GCH1: variants seen among roughly 807,000 people sequenced by gnomAD.
The protein encoded by GCH1 is GTP cyclohydrolase I.
In GCH1, 5 loss-of-function variants were observed where a neutral mutation model predicts 25.9. That is an observed-to-expected ratio of 0.19 (90% confidence interval 0.10 to 0.41). The LOEUF (loss-of-function observed/expected upper bound fraction) is 0.41. Ranked by LOEUF, GCH1 falls within the 10% of genes least tolerant of loss-of-function variation. The pLI is 1.00. For missense variants in GCH1, 261 were observed against 336.5 expected (o/e 0.78, Z 1.75); for synonymous variants, 159 against 129.6 (o/e 1.23, Z -1.54).
chr14:54,896,744 C>G (rs980783449), intron 1 of GCH1, among the ~76,000 whole-genome samples: 1 of 150,718 alleles, frequency 6.6e-6, no homozygotes, highest in Non-Finnish European at 1.5e-5. Flanking sequence ...AACCCCATCT[C>G]TACTAAAAAA....
At position 54,898,145 on chromosome 14, in the gene GCH1, CAAGAG is replaced by C. The variant is rs2040513892; in HGVS notation, c.343+4171_343+4175del. Among the ~76,000 whole-genome samples, 4 of 152,218 alleles carry C rather than the reference CAAGAG, an allele frequency of 2.6e-5. No homozygotes were observed. The South Asian group carries it at 8.3e-4, about 32-fold the overall frequency. ...CTGTAATCCCAGCACTTTGGGAGACCAAGAGGAGAGGATCACTTGAGCCCAGGAGT... is the reference window on the plus strand; with the variant it reads ...CTGTAATCCCAGCACTTTGGGAGACCGAGAGGATCACTTGAGCCCAGGAGT... On this transcript the variant is annotated intron_variant, in intron 1 of 5. Coordinates refer to ENST00000491895, the MANE Select transcript of GCH1 (RefSeq NM_000161.3).
chr14:54,844,105 T>C lies in GCH1; in HGVS notation c.665A>G (p.Asn222Ser). Residue 222 changes from asparagine (N) to serine (S), a missense_variant, in exon 6 of 6, where the codon AAC becomes AGC. Coordinates refer to ENST00000491895, the MANE Select transcript of GCH1 (RefSeq NM_000161.3). The part of the protein sequence containing the change: ...CMVMRGVQKM[N>S]SKTVTSTMLG... ...CATTGTGCTGGTCACAGTTTTGCTG[T>C]TCATTTTCTGTACACCTCGCATTAC... The C allele has an allele frequency of 6.2e-7, 1 of 1,614,092 alleles. No individual in the cohort carries two copies. The highest frequency in any genetic ancestry group is 8.5e-7 in the Non-Finnish European group (1 of 1,179,936).
intron 1 of GCH1, among the ~76,000 whole-genome samples, chr14:54,881,196 A>C (rs897928993): frequency 6.6e-6 from 1 of 152,052 alleles, no homozygotes; most frequent in African/African-American, 2.4e-5. Context: ...AAAATAAAAA[A>C]ATTTTAAAAA....
rs1313327501 is a variant in GCH1 at position 54,902,804 on chromosome 14, C to G, written c.-141G>C. Reference sequence around the variant, plus strand: ...TACGCAACCTGCTTAGATCACACTCCGAGCCGGGAGCGGCCACAGGCTGGA... The same window carrying G: ...TACGCAACCTGCTTAGATCACACTCGGAGCCGGGAGCGGCCACAGGCTGGA... On this transcript the variant is annotated 5_prime_UTR_variant, in exon 1 of 6. Transcript: ENST00000491895. 6.2e-6 allele frequency: 7 copies of G among 1,130,904 alleles called. No homozygotes were observed. In the South Asian group the frequency reaches 9.8e-5, roughly 16 times the overall value. 70.1% of individuals were successfully genotyped at this position (1,130,904 alleles called of 1,614,324 possible).
intron 1 of GCH1, among the ~76,000 whole-genome samples, chr14:54,890,317 G>A (rs1259751168): frequency 6.6e-6 from 1 of 152,198 alleles, no homozygotes; most frequent in Non-Finnish European, 1.5e-5. Flanking sequence ...GACCCACACG[G>A]AGAAACCCCA....
chr14:54,845,261 T>G (rs7493025), intron 5 of GCH1, among the ~76,000 whole-genome samples: 3 of 151,588 alleles, frequency 2.0e-5, no homozygotes, highest in African/African-American at 7.3e-5. Context: ...GGGTGGATCA[T>G]GAGGTCAGGA....
At position 54,845,403 on chromosome 14, in the gene GCH1, G is replaced by A. The variant is rs550265248; in HGVS notation, c.626+365C>T. 1.1e-4 allele frequency among the ~76,000 whole-genome samples: 17 copies of A among 151,734 alleles called. No homozygotes were observed. In the South Asian group the frequency reaches 2.5e-3, roughly 22 times the overall value. ...TGAGGCAGGAGAATCGCTTGAACCC[G>A]GGAGGTGGAGGTTGCAGTGAGCCGA... is the stretch of plus-strand genomic sequence containing the variant. On this transcript the variant is annotated intron_variant, in intron 5 of 5. Coordinates refer to ENST00000491895, the MANE Select transcript of GCH1 (RefSeq NM_000161.3).
Position 54,902,637 on chromosome 14 carries a change from C to T in GCH1, c.27G>A (p.Pro9=). Residue 9 remains proline (P), a synonymous_variant, in exon 1 of 6, where the codon CCG becomes CCA. Coordinates refer to ENST00000491895, the MANE Select transcript of GCH1 (RefSeq NM_000161.3). The part of the protein sequence containing the change: MEKGPVRA[P]AEKPRGARCS... ...ACCTGGCGCCCCGCGGCTTCTCCGCCGGTGCCCGCACAGGGCCCTTCTCCA... is the reference window on the plus strand; with the variant it reads ...ACCTGGCGCCCCGCGGCTTCTCCGCTGGTGCCCGCACAGGGCCCTTCTCCA... 1 of 1,484,024 alleles carries T rather than the reference C, an allele frequency of 6.7e-7. No homozygotes were observed. Among genetic ancestry groups the T allele is most frequent in the Non-Finnish European group, 8.9e-7 (1 of 1,121,562 alleles). The allele number at this position is 1,484,024 out of a possible 1,614,324, so 91.9% of individuals were successfully genotyped here.
At chr14:54,899,542 G>A (rs985672270) in intron 1 of GCH1, among the ~76,000 whole-genome samples, 2 of 151,970 alleles carry the variant, frequency 1.3e-5, no homozygotes, top group African/African-American at 2.4e-5. Flanking sequence ...GTCTCCCCAC[G>A]TTGCCCAGGC....
intron 2 of GCH1, among the ~76,000 whole-genome samples, chr14:54,860,516 T>G (rs1290655791): frequency 6.6e-6 from 1 of 150,944 alleles, no homozygotes; most frequent in Non-Finnish European, 1.5e-5. Context: ...GTTTCTAAGC[T>G]GCTAGAGAGT....
intron 1 of GCH1, among the ~76,000 whole-genome samples, chr14:54,876,389 G>A (rs60851395): frequency 0.21 from 32,115 of 151,922 alleles, 3,471 homozygotes; most frequent in African/African-American, 0.24. Context: ...TATACCTAAT[G>A]TTAAATGACG....
intron 3 of GCH1, among the ~76,000 whole-genome samples, chr14:54,858,564 G>C (rs1458822735): frequency 6.6e-6 from 1 of 151,910 alleles, no homozygotes; most frequent in East Asian, 1.9e-4. Context: ...GGGATTACAA[G>C]TGTGAAAGAC....
At position 54,880,709 on chromosome 14, in the gene GCH1, TATATATATACTC is replaced by T. The variant is rs2040249990; in HGVS notation, c.344-15285_344-15274del. 4.3e-5 allele frequency among the ~76,000 whole-genome samples: 2 copies of T among 46,256 alleles called. 1 individual carries two copies. The highest frequency in any genetic ancestry group is 3.1e-4 in the African/African-American group (2 of 6,504). The allele number at this position is 46,256 out of a possible 152,430, so 30.3% of individuals were successfully genotyped here. A position where few individuals can be genotyped will look rare whatever the true frequency, so the allele number is the denominator to read the frequency against. ...TATATACTCATATATATATACTCCA[TATATATATACTC>T]ATATATATATATATACTCCATATAT... is the stretch of plus-strand genomic sequence containing the variant. On this transcript the variant is annotated intron_variant, in intron 1 of 5. Transcript: ENST00000491895.
Position 54,842,993 on chromosome 14 carries a change from G to A in GCH1, c.*1024C>T. 1 of 782,926 alleles carries A rather than the reference G, an allele frequency of 1.3e-6. No individual in the cohort carries two copies. Among genetic ancestry groups the A allele is most frequent in the South Asian group, 1.4e-5 (1 of 70,730 alleles). The allele number at this position is 782,926 out of a possible 1,614,324, so 48.5% of individuals were successfully genotyped here. On this transcript the variant is annotated 3_prime_UTR_variant, in exon 6 of 6. Coordinates refer to ENST00000491895, the MANE Select transcript of GCH1 (RefSeq NM_000161.3). ...TAAAACGTTGGACACAGCTCATAATGTCTTCCACCGTCAGTTCATTCTGTG... is the reference window on the plus strand; with the variant it reads ...TAAAACGTTGGACACAGCTCATAATATCTTCCACCGTCAGTTCATTCTGTG...
At chr14:54,880,479 C>CACTCCATATATATATAT (rs772557764) in intron 1 of GCH1, among the ~76,000 whole-genome samples, 10 of 49,430 alleles carry the variant, frequency 2.0e-4, no homozygotes, top group African/African-American at 1.4e-3. Context: ...TATATATATA[C>CACTCCATATATATATAT]ACTCCATATA....
intron 1 of GCH1, among the ~76,000 whole-genome samples, chr14:54,880,877 T>C (rs1305576369): frequency 6.9e-6 from 1 of 144,272 alleles, no homozygotes; most frequent in Non-Finnish European, 1.5e-5. Flanking sequence ...ATATATGGAG[T>C]GTAATGCTGC....
Position 54,902,498 on chromosome 14 carries a change from C to T in GCH1, c.166G>A (p.Glu56Lys). The T allele has an allele frequency of 6.2e-7, 1 of 1,607,272 alleles. No homozygotes were observed. Among genetic ancestry groups the T allele is most frequent in the Non-Finnish European group, 8.5e-7 (1 of 1,177,722 alleles). The change falls in exon 1 of 6, where the codon GAG becomes AAG. Residue 56 changes from glutamate to lysine, a missense_variant. Physicochemically the swap from Glu to Lys is moderately conservative, Grantham distance 56. Transcript: ENST00000491895. ...TTATCCTCCTCGCTGCGGGGCCGCT[C>T]GCCCTTCCAGCCGTCCGCGGGCTGC... ...SAQPADGWKG[E>K]RPRSEEDNEL...
At chr14:54,876,275 A>G (rs1395257362) in intron 1 of GCH1, among the ~76,000 whole-genome samples, 1 of 152,170 alleles carries the variant, frequency 6.6e-6, no homozygotes, top group Non-Finnish European at 1.5e-5. Flanking sequence ...TCTCACTCAT[A>G]GGTGGGAATT....
intron 5 of GCH1, among the ~76,000 whole-genome samples, chr14:54,845,340 T>C (rs2004633): frequency 0.1 from 15,691 of 151,088 alleles, 1,025 homozygotes; most frequent in Non-Finnish European, 0.13. Flanking sequence ...TAGCCGGGCA[T>C]GGTGACACAC....
Sources: allele counts gnomAD v4.1 joint callset (sites outside exome capture counted in the v4.1 genomes callset), GRCh38; gene constraint gnomAD v4.1.1; transcripts MANE v1.5; gene names NCBI Gene and HGNC (gene_info 2026-07-23, HGNC 2026-07-21).